PCLO: variants seen among roughly 807,000 people sequenced by gnomAD.
PCLO encodes protein piccolo.
In PCLO, 82 loss-of-function variants were observed where a neutral mutation model predicts 427.5. The ratio of observed to expected loss-of-function variants is 0.19; its 90% CI spans 0.16 to 0.23. The LOEUF is 0.23. Ranked by LOEUF, PCLO falls within the 10% of genes least tolerant of loss-of-function variation. PCLO has a pLI of 1.00. For missense variants in PCLO, 6,239 were observed against 6,115.9 expected, an observed-to-expected ratio of 1.02 and a Z score of -0.67; for synonymous variants, 2,357 against 2,155.4, an observed-to-expected ratio of 1.09 and a Z score of -2.59.
At chr7:82,990,462 T>C (rs1370837628) in intron 3 of PCLO, among the ~76,000 whole-genome samples, 4 of 152,132 alleles carry the variant, frequency 2.6e-5, no homozygotes, top group Non-Finnish European at 5.9e-5. Context: ...TTGTATATAG[T>C]GGGACCTATC....
intron 3 of PCLO, among the ~76,000 whole-genome samples, chr7:83,117,228 G>A (rs1176223920): frequency 1.3e-5 from 2 of 152,154 alleles, no homozygotes. Flanking sequence ...GAAGGCCTGA[G>A]AAGTAGTCCT....
At chr7:83,056,247 C>A (rs1240551082) in intron 3 of PCLO, among the ~76,000 whole-genome samples, 3 of 151,812 alleles carry the variant, frequency 2.0e-5, no homozygotes, top group African/African-American at 2.4e-5. Flanking sequence ...TCCTTATGCA[C>A]AATAAAATTG....
intron 10 of PCLO, among the ~76,000 whole-genome samples, chr7:82,866,352 T>C (rs1793092682): frequency 6.6e-6 from 1 of 152,010 alleles, no homozygotes; most frequent in Non-Finnish European, 1.5e-5. Flanking sequence ...ATATGAGATA[T>C]ATTTAACATT....
chr7:82,809,559 AG>A (rs1316081162), intron 20 of PCLO, among the ~76,000 whole-genome samples: 1 of 151,432 alleles, frequency 6.6e-6, no homozygotes, highest in African/African-American at 2.4e-5. Flanking sequence ...CTTCCTTAAA[AG>A]CTTGTCCCGG....
At chr7:82,998,215 C>T (rs1271343543) in intron 3 of PCLO, among the ~76,000 whole-genome samples, 1 of 151,844 alleles carries the variant, frequency 6.6e-6, no homozygotes, top group Non-Finnish European at 1.5e-5. Flanking sequence ...CCAGGAAGAA[C>T]AAGTCACTAA....
intron 5 of PCLO, 133 bp from the exon 6 acceptor site, chr7:82,951,623 G>A (rs1029370995): frequency 2.6e-5 from 22 of 848,548 alleles, no homozygotes; most frequent in Non-Finnish European, 3.4e-5. Context: ...AATTATATGC[G>A]GAATGAAAGC....
intron 6 of PCLO, among the ~76,000 whole-genome samples, chr7:82,922,668 AG>A (rs1483516841): frequency 6.6e-6 from 1 of 151,960 alleles, no homozygotes; most frequent in Non-Finnish European, 1.5e-5. Flanking sequence ...AATAATCTGT[AG>A]TCCAAACCCT....
intron 6 of PCLO, among the ~76,000 whole-genome samples, chr7:82,931,141 C>T (rs1214087156): frequency 6.6e-6 from 1 of 152,040 alleles, no homozygotes; most frequent in Non-Finnish European, 1.5e-5. Flanking sequence ...CTTATATTAA[C>T]TTATTTTAAA....
intron 3 of PCLO, among the ~76,000 whole-genome samples, chr7:83,039,255 T>G (rs1369422898): frequency 1.3e-5 from 2 of 152,038 alleles, no homozygotes; most frequent in African/African-American, 4.8e-5. Flanking sequence ...TTGTTGCTCA[T>G]ACTTTTGGGG....
Position 82,824,285 on chromosome 7 carries a change from T to A in PCLO, c.14547A>T (p.Pro4849=). Residue 4849 remains proline, a synonymous_variant, in exon 19 of 25, where the codon CCA becomes CCT. Coordinates refer to ENST00000333891, the MANE Select transcript of PCLO (RefSeq NM_033026.6). ...CATGGCTTCTGCTTTTGATAACAGATGGCTTTGGGGACTGCTGGCTGCTCT... is the reference window on the plus strand; with the variant it reads ...CATGGCTTCTGCTTTTGATAACAGAAGGCTTTGGGGACTGCTGGCTGCTCT... The part of the protein sequence containing the change: ...SSQSSQQSPK[P]SVIKSRSHGI... 3 of 1,613,478 alleles carry A rather than the reference T, an allele frequency of 1.9e-6. No homozygotes were observed. The highest frequency in any genetic ancestry group is 1.7e-6 in the Non-Finnish European group (2 of 1,179,684).
intron 6 of PCLO, among the ~76,000 whole-genome samples, chr7:82,937,270 T>A (rs1215331800): frequency 6.6e-6 from 1 of 151,560 alleles, no homozygotes; most frequent in Non-Finnish European, 1.5e-5. Context: ...GAAACCTACA[T>A]GTTTTTGTGA....
intron 16 of PCLO, among the ~76,000 whole-genome samples, chr7:82,834,528 A>G (rs1326545091): frequency 6.6e-6 from 1 of 152,222 alleles, no homozygotes; most frequent in Non-Finnish European, 1.5e-5. Context: ...GTTCATTCGT[A>G]GTAAATATGT....
intron 2 of PCLO, among the ~76,000 whole-genome samples, 191 bp from the exon 3 acceptor site, chr7:83,135,847 C>T (rs895438077): frequency 3.3e-5 from 5 of 152,016 alleles, no homozygotes; most frequent in African/African-American, 9.7e-5. Flanking sequence ...TGCCTGTAAT[C>T]CCAGCACATT....
chr7:83,149,384 A>T, intron 2 of PCLO, among the ~76,000 whole-genome samples: 1 of 152,048 alleles, frequency 6.6e-6, no homozygotes, highest in East Asian at 1.9e-4. Flanking sequence ...TCTTCAACAT[A>T]CCAACTTATG....
chr7:82,852,526 C>A (rs1226126650), intron 10 of PCLO, among the ~76,000 whole-genome samples: 1 of 152,088 alleles, frequency 6.6e-6, no homozygotes, highest in African/African-American at 2.4e-5. Flanking sequence ...AGCTTTTGGA[C>A]TCTTGGATGT....
intron 20 of PCLO, among the ~76,000 whole-genome samples, chr7:82,811,806 ACT>A (rs1470986283): frequency 2.0e-5 from 3 of 151,214 alleles, no homozygotes; most frequent in East Asian, 1.9e-4. Context: ...AGGTGTTGAA[ACT>A]CTGATATCTC....
chr7:82,919,888 T>G (rs942708702), intron 6 of PCLO, among the ~76,000 whole-genome samples: 2 of 151,966 alleles, frequency 1.3e-5, no homozygotes, highest in Non-Finnish European at 2.9e-5. Context: ...CAAAGCACTT[T>G]GCTAGGCACA....
At chr7:82,966,531 T>C in intron 3 of PCLO, 44 bp from the exon 4 acceptor site, 1 of 1,205,358 alleles carries the variant, frequency 8.3e-7, no homozygotes, top group Non-Finnish European at 1.1e-6. Flanking sequence ...TGTATTATAA[T>C]GTATCTGTTT....
intron 6 of PCLO, among the ~76,000 whole-genome samples, chr7:82,931,915 C>T (rs971667988): frequency 4.6e-5 from 7 of 152,012 alleles, no homozygotes; most frequent in Non-Finnish European, 1.0e-4. Context: ...TACAATGTAA[C>T]ATGAATTGAT....
Sources: allele counts gnomAD v4.1 joint callset (sites outside exome capture counted in the v4.1 genomes callset), GRCh38; gene constraint gnomAD v4.1.1; transcripts MANE v1.5; gene names NCBI Gene and HGNC (gene_info 2026-07-23, HGNC 2026-07-21).